APBA1: variants seen among roughly 807,000 people sequenced by gnomAD.
APBA1 encodes the protein amyloid beta precursor protein binding family A member 1, also known as amyloid-beta A4 precursor protein-binding family A member 1.
A neutral mutation model predicts 86.6 loss-of-function variants in APBA1; 55 were observed. The observed-to-expected ratio is 0.64, with a 90% CI of 0.51 to 0.80. The LOEUF (loss-of-function observed/expected upper bound fraction) is 0.80. Ranked by LOEUF, APBA1 falls within the 30% of genes least tolerant of loss-of-function variation. The pLI, the probability that APBA1 is intolerant of heterozygous loss-of-function variation, is 0.00. For synonymous variants in APBA1, 511 were observed against 493.9 expected (o/e 1.03, Z -0.46); for missense variants, 1,090 against 1,183.0 (o/e 0.92, Z 1.15).
chr9:69,441,107 C>A lies in APBA1; in HGVS notation c.2190G>T (p.Lys730Asn). 6.2e-7 allele frequency: 1 copy of A among 1,613,848 alleles called. No individual in the cohort carries two copies. The highest frequency in any genetic ancestry group is 1.1e-5 in the South Asian group (1 of 91,028). Reference sequence around the variant, plus strand: ...TATTCAGCTTGACTCGGGACTGATTCTTTAAGCCCTTAAACATGAATAAAG... The same window carrying A: ...TATTCAGCTTGACTCGGGACTGATTATTTAAGCCCTTAAACATGAATAAAG... Reference protein sequence around the residue: ...STCQSIIKGLKNQSRVKLNIV... With the variant: ...STCQSIIKGLNNQSRVKLNIV... The change falls in exon 11 of 13, where the codon AAG becomes AAT. Residue 730 changes from lysine to asparagine, a missense_variant. By Grantham distance (94) the Lys-to-Asn change is moderately conservative (BLOSUM62 0). Coordinates refer to ENST00000265381, the MANE Select transcript of APBA1 (RefSeq NM_001163.4).
At chr9:69,594,241 T>A (rs1480829990) in intron 1 of APBA1, among the ~76,000 whole-genome samples, 9 of 151,598 alleles carry the variant, frequency 5.9e-5, no homozygotes, top group Non-Finnish European at 1.5e-5. Flanking sequence ...ATCACGGGGG[T>A]AGGGGGTGTC....
intron 12 of APBA1, 126 bp from the exon 13 acceptor site, chr9:69,431,524 C>T (rs1422848160): frequency 1.4e-6 from 1 of 732,430 alleles, no homozygotes; most frequent in African/African-American, 1.8e-5. Context: ...TCCCTACCGC[C>T]CAGCCACCAC....
intron 1 of APBA1, among the ~76,000 whole-genome samples, chr9:69,568,923 T>C (rs969495955): frequency 6.6e-6 from 1 of 152,168 alleles, no homozygotes; most frequent in African/African-American, 2.4e-5. Flanking sequence ...TTTTTAGAGG[T>C]ATACGTGAGC....
intron 2 of APBA1, among the ~76,000 whole-genome samples, chr9:69,488,050 G>C (rs886375729): frequency 6.6e-6 from 1 of 152,158 alleles, no homozygotes; most frequent in East Asian, 1.9e-4. Flanking sequence ...GAAAGTTGGA[G>C]TCTTTCTCAA....
intron 2 of APBA1, among the ~76,000 whole-genome samples, chr9:69,500,030 G>T (rs115031697): frequency 6.6e-6 from 1 of 152,102 alleles, no homozygotes; most frequent in Non-Finnish European, 1.5e-5. Flanking sequence ...GGCGGTGCAT[G>T]TTGCCATTAT....
chr9:69,504,482 T>A (rs1471573243), intron 2 of APBA1, among the ~76,000 whole-genome samples: 1 of 152,104 alleles, frequency 6.6e-6, no homozygotes, highest in South Asian at 2.1e-4. Flanking sequence ...CACTCATATT[T>A]AAGAGTAAAT....
chr9:69,659,052 A>G (rs542217439), intron 1 of APBA1, among the ~76,000 whole-genome samples: 1 of 152,042 alleles, frequency 6.6e-6, no homozygotes, highest in Admixed American at 6.6e-5. Context: ...TCCTAGGAGC[A>G]TCTCCTTAAT....
chr9:69,578,359 G>C (rs1821848435), intron 1 of APBA1, among the ~76,000 whole-genome samples: 1 of 152,226 alleles, frequency 6.6e-6, no homozygotes, highest in Admixed American at 6.5e-5. Context: ...GCGCTGATAG[G>C]TATGGGAAGG....
chr9:69,605,948 C>T (rs1166631610), intron 1 of APBA1, among the ~76,000 whole-genome samples: 1 of 152,080 alleles, frequency 6.6e-6, no homozygotes, highest in Non-Finnish European at 1.5e-5. Flanking sequence ...GGAAAATTCT[C>T]AAAGAAAACT....
At chr9:69,436,502 G>T (rs1217329669) in intron 11 of APBA1, among the ~76,000 whole-genome samples, 1 of 151,632 alleles carries the variant, frequency 6.6e-6, no homozygotes, top group African/African-American at 2.4e-5. Context: ...CACATCCCTT[G>T]TAAGTTGGAT....
At chr9:69,539,439 T>C (rs1346540420) in intron 1 of APBA1, among the ~76,000 whole-genome samples, 1 of 152,202 alleles carries the variant, frequency 6.6e-6, no homozygotes, top group Non-Finnish European at 1.5e-5. Context: ...ATCAAGTCTG[T>C]CAGCAACTCT....
intron 10 of APBA1, among the ~76,000 whole-genome samples, chr9:69,445,386 CTGCCATTTTATTGGAGG>C (rs1834890425): frequency 6.6e-6 from 1 of 152,184 alleles, no homozygotes; most frequent in African/African-American, 2.4e-5. Flanking sequence ...GATTTCTGAG[CTGCCATTTTATTGGAGG>C]TGCCAATTAA....
At chr9:69,468,756 T>G (rs1346105508) in intron 4 of APBA1, among the ~76,000 whole-genome samples, 1 of 152,274 alleles carries the variant, frequency 6.6e-6, no homozygotes, top group Non-Finnish European at 1.5e-5. Flanking sequence ...CACAATTACT[T>G]GTAAACCCTA....
intron 1 of APBA1, among the ~76,000 whole-genome samples, chr9:69,616,849 G>T (rs1576509): frequency 6.6e-6 from 1 of 152,118 alleles, no homozygotes; most frequent in South Asian, 2.1e-4. Context: ...TGGTCAAAAG[G>T]GGGGAATGTG....
At chr9:69,632,838 C>T (rs1823076035) in intron 1 of APBA1, among the ~76,000 whole-genome samples, 1 of 152,170 alleles carries the variant, frequency 6.6e-6, no homozygotes, top group South Asian at 2.1e-4. Context: ...ATTCTGTGAT[C>T]CAAACGAATG....
chr9:69,431,491 C>CTGGCCAGCCCTGGG, intron 12 of APBA1, 93 bp from the exon 13 acceptor site: 1 of 1,103,414 alleles, frequency 9.1e-7, no homozygotes, highest in Non-Finnish European at 1.3e-6. Context: ...CAGTGCCTCT[C>CTGGCCAGCCCTGGG]CCACAGAGGG....
In APBA1 at chr9:69,516,926, G is replaced by A. The variant is rs1475396181; in HGVS notation, c.285C>T (p.Asp95=). 1.3e-6 allele frequency: 2 copies of A among 1,594,404 alleles called. No homozygotes were observed. The highest frequency in any genetic ancestry group is 2.2e-5 in the South Asian group (2 of 90,374). ...FHNHTDTAEG[D]VIAAARDGYD... is the part of the protein sequence containing the mutation. ...AGCCGTCGCGGGCCGCGGCGATCACGTCGCCCTCGGCGGTGTCCGTGTGGT... is the reference window on the plus strand; with the variant it reads ...AGCCGTCGCGGGCCGCGGCGATCACATCGCCCTCGGCGGTGTCCGTGTGGT... The change falls in exon 2 of 13, where the codon GAC becomes GAT. Residue 95 remains aspartate (D), a synonymous_variant. Coordinates refer to ENST00000265381, the MANE Select transcript of APBA1 (RefSeq NM_001163.4). This position sits in a 1 kb window ranked among gnomAD's most constrained non-coding sequence, Gnocchi z 7.3.
chr9:69,546,822 T>A (rs182235634), intron 1 of APBA1, among the ~76,000 whole-genome samples: 10 of 152,318 alleles, frequency 6.6e-5, no homozygotes, highest in Admixed American at 6.5e-4. Context: ...AAGCTCTTTG[T>A]GCCTCAGTTT....
intron 1 of APBA1, among the ~76,000 whole-genome samples, chr9:69,546,625 G>A (rs1056611118): frequency 6.6e-6 from 1 of 152,124 alleles, no homozygotes; most frequent in South Asian, 2.1e-4. Flanking sequence ...GAGATACTTT[G>A]CAAAGATTAA....
Sources: gnomAD v4.1 joint callset for allele counts (sites outside exome capture counted in the v4.1 genomes callset) on GRCh38, gnomAD v4.1.1 for gene constraint, Gnocchi (gnomAD v3.1) non-coding constraint, MANE v1.5 for transcripts, NCBI Gene and HGNC (gene_info 2026-07-23, HGNC 2026-07-21) for gene names.